The following EXOC4 variants were observed in gnomAD, a reference collection of about 807,000 sequenced individuals.
EXOC4 encodes the protein SEC8-like 1.
A neutral mutation model predicts 107.2 loss-of-function variants in EXOC4; 71 were observed. That is an observed-to-expected ratio of 0.66 (90% CI 0.55 to 0.81). EXOC4 has a LOEUF of 0.81. Ranked by LOEUF, EXOC4 falls within the 30% of genes least tolerant of loss-of-function variation. The pLI is 0.00. For missense variants in EXOC4, 1,108 were observed against 1,189.6 expected, an observed-to-expected ratio of 0.93 and a Z score of 1.01; for synonymous variants, 456 against 441.2, an observed-to-expected ratio of 1.03 and a Z score of -0.42.
intron 12 of EXOC4, among the ~76,000 whole-genome samples, chr7:133,916,209 T>C (rs1007473095): frequency 2.6e-5 from 4 of 152,198 alleles, no homozygotes; most frequent in Non-Finnish European, 5.9e-5. Context: ...CACAATAGAA[T>C]TTGCGCTCCT....
the EXOC4 span, among the ~76,000 whole-genome samples, chr7:134,090,361 GACCAGTTTGTTGGGCCATCTTGAAAA>G: frequency 6.6e-6 from 1 of 152,130 alleles, no homozygotes; most frequent in African/African-American, 2.4e-5. Context: ...GTTTGTAACT[GACCAGTTTGTTGGGCCATCTTGAAAA>G]GCCCATGCTG....
At chr7:133,906,787 A>G (rs948860339) in intron 12 of EXOC4, among the ~76,000 whole-genome samples, 3 of 152,164 alleles carry the variant, frequency 2.0e-5, no homozygotes, top group Admixed American at 2.0e-4. Flanking sequence ...CAAGGGGCCT[A>G]TTGCCGCCCC....
chr7:133,710,756 G>A (rs988974495), intron 10 of EXOC4, among the ~76,000 whole-genome samples: 2 of 151,692 alleles, frequency 1.3e-5, no homozygotes, highest in African/African-American at 4.8e-5. Context: ...TGCAGTCAGA[G>A]AGACAGAAAT....
At chr7:133,387,740 G>T (rs1188652536) in intron 7 of EXOC4, among the ~76,000 whole-genome samples, 1 of 151,984 alleles carries the variant, frequency 6.6e-6, no homozygotes, top group Non-Finnish European at 1.5e-5. Context: ...TTTTAATCTT[G>T]CTGGGAGCTA....
chr7:133,855,047 ATCTAAATATATC>A (rs1798320973), intron 11 of EXOC4, among the ~76,000 whole-genome samples: 2 of 57,428 alleles, frequency 3.5e-5, no homozygotes, highest in African/African-American at 2.6e-4. Flanking sequence ...ATATATATAT[ATCTAAATATATC>A]TAAATATATC....
intron 5 of EXOC4, among the ~76,000 whole-genome samples, chr7:133,338,471 T>A (rs909470388): frequency 2.0e-5 from 3 of 148,822 alleles, no homozygotes; most frequent in Admixed American, 6.7e-5. Flanking sequence ...CGGGCGCCTG[T>A]AGTCCCAGCT....
downstream of EXOC4, among the ~76,000 whole-genome samples, chr7:134,067,628 TATATATATATAC>T (rs1246677428): frequency 1.4e-3 from 62 of 43,134 alleles, no homozygotes; most frequent in African/African-American, 3.6e-3. Flanking sequence ...CCAACTCTTA[TATATATATATAC>T]ACACACACAC....
At chr7:133,642,019 T>C (rs1802868400) in intron 10 of EXOC4, among the ~76,000 whole-genome samples, 2 of 152,236 alleles carry the variant, frequency 1.3e-5, no homozygotes, top group Admixed American at 1.3e-4. Context: ...CAACTCATTA[T>C]ATTTTCTTTT....
At chr7:133,528,720 G>C (rs1044985679) in intron 9 of EXOC4, among the ~76,000 whole-genome samples, 2 of 151,888 alleles carry the variant, frequency 1.3e-5, no homozygotes, top group Non-Finnish European at 2.9e-5. Context: ...AAAATTTTAA[G>C]TCAATTAAAA....
intron 9 of EXOC4, among the ~76,000 whole-genome samples, chr7:133,510,604 C>G (rs774753669): frequency 2.8e-4 from 43 of 152,228 alleles, no homozygotes; most frequent in South Asian, 8.3e-4. Context: ...AAATACCTTA[C>G]GAGATCCTTT....
At position 133,887,284 on chromosome 7, in the gene EXOC4, T is replaced by C. The variant is rs116944340; in HGVS notation, c.1735-8315T>C. On this transcript the variant is annotated intron_variant, in intron 11 of 17. Transcript: ENST00000253861. ...AGGTGTCTGTGTCTAAAATCCCTCA[T>C]ATATATGACATTCTGAGATTTATTC... Among the ~76,000 whole-genome samples, 115 of 152,316 alleles carry C rather than the reference T, an allele frequency of 7.6e-4. 1 individual carries two copies. The highest frequency in any genetic ancestry group is 1.4e-3 in the South Asian group (7 of 4,832).
At chr7:133,775,143 C>T (rs549394627) in intron 10 of EXOC4, among the ~76,000 whole-genome samples, 1 of 152,136 alleles carries the variant, frequency 6.6e-6, no homozygotes, top group Non-Finnish European at 1.5e-5. Context: ...TTTGTCTTGT[C>T]AGAAGTGAGG....
chr7:133,526,833 A>G (rs537316367), intron 9 of EXOC4, among the ~76,000 whole-genome samples: 1 of 152,128 alleles, frequency 6.6e-6, no homozygotes, highest in East Asian at 1.9e-4. Flanking sequence ...TTAGCTGGGC[A>G]TGGTGGCATG....
intron 14 of EXOC4, among the ~76,000 whole-genome samples, chr7:133,959,202 A>T (rs887627473): frequency 3.3e-5 from 5 of 152,222 alleles, no homozygotes; most frequent in Non-Finnish European, 7.3e-5. Context: ...TTATAATAGG[A>T]AACAGAGACC....
intron 6 of EXOC4, among the ~76,000 whole-genome samples, chr7:133,366,000 C>A (rs1417300242): frequency 6.6e-6 from 1 of 152,186 alleles, no homozygotes; most frequent in Non-Finnish European, 1.5e-5. Context: ...ATTAAAGTCT[C>A]AGCAGACAAG....
At chr7:133,706,675 T>C (rs1347037814) in intron 10 of EXOC4, among the ~76,000 whole-genome samples, 1 of 152,238 alleles carries the variant, frequency 6.6e-6, no homozygotes, top group Non-Finnish European at 1.5e-5. Flanking sequence ...CATTCTTTTT[T>C]TCATATCAGG....
intron 4 of EXOC4, among the ~76,000 whole-genome samples, chr7:133,316,643 A>G (rs546999363): frequency 6.6e-6 from 1 of 152,310 alleles, no homozygotes; most frequent in South Asian, 2.1e-4. Context: ...AAAGTTTATT[A>G]GTTTATTTAA....
chr7:134,027,546 T>A (rs1795168881), intron 17 of EXOC4, among the ~76,000 whole-genome samples: 1 of 150,998 alleles, frequency 6.6e-6, no homozygotes, highest in Admixed American at 6.6e-5. Flanking sequence ...GAATCCCAGC[T>A]ACTCAGGAGG....
chr7:133,913,934 G>C (rs1799750084), intron 12 of EXOC4, among the ~76,000 whole-genome samples: 1 of 152,192 alleles, frequency 6.6e-6, no homozygotes, highest in South Asian at 2.1e-4. Flanking sequence ...GGTTAGGATG[G>C]TAGGTAAAGA....
Sources: allele counts gnomAD v4.1 joint callset (sites outside exome capture counted in the v4.1 genomes callset), GRCh38; gene constraint gnomAD v4.1.1; transcripts MANE v1.5; gene names NCBI Gene and HGNC (gene_info 2026-07-23, HGNC 2026-07-21).